Variants in FUT9 observed in about 807,000 individuals in gnomAD.
FUT9 encodes the protein fucosyltransferase 9.
In FUT9, 15 loss-of-function variants were observed where a neutral mutation model predicts 29.7. The observed-to-expected ratio is 0.51, with a 90% CI of 0.34 to 0.78. The LOEUF (loss-of-function observed/expected upper bound fraction) is 0.78. FUT9 is among the 30% of genes least tolerant of loss of function. The probability of loss-of-function intolerance (pLI) is 0.01; values close to 1 mark genes in which losing one functional copy is unlikely to be tolerated. For synonymous variants in FUT9, 169 were observed against 153.7 expected (o/e 1.10, Z -0.74); for missense variants, 319 against 425.4 (o/e 0.75, Z 2.20).
intron 1 of FUT9, among the ~76,000 whole-genome samples, chr6:96,111,883 G>T (rs1027795606): frequency 6.6e-6 from 1 of 152,026 alleles, no homozygotes; most frequent in Non-Finnish European, 1.5e-5. Context: ...TGATTATTTT[G>T]ATCTTTTATG....
At chr6:96,165,730 C>T (rs968507842) in intron 2 of FUT9, among the ~76,000 whole-genome samples, 1 of 152,038 alleles carries the variant, frequency 6.6e-6, no homozygotes, top group African/African-American at 2.4e-5. Context: ...ATTCTTGTGC[C>T]TCAGCCTCCG....
chr6:96,203,988 A>C lies in FUT9; in HGVS notation c.833A>C (p.Glu278Ala), dbSNP rs1321071580. 6.2e-7 allele frequency: 1 copy of C among 1,612,596 alleles called. No homozygotes were observed. Among genetic ancestry groups the C allele is most frequent in the Admixed American group, 1.7e-5 (1 of 59,588 alleles). Residue 278 changes from glutamate to alanine, a missense_variant, in exon 3 of 3, where the codon GAG (glutamate) becomes GCG (alanine). Transcript: ENST00000302103. ...CTGGGACCATCTAGGGAAAACTATG[A>C]GAATTATATTCCAGCAGATTCATTC... is the stretch of plus-strand genomic sequence containing the variant. ...VVLGPSRENY[E>A]NYIPADSFIH...
Position 96,153,215 on chromosome 6 carries a change from T to G in FUT9, c.-9+39088T>G, listed in dbSNP as rs147187609. Among the ~76,000 whole-genome samples, 379 of 152,262 alleles carry G rather than the reference T, an allele frequency of 2.5e-3. 1 individual carries two copies. Among genetic ancestry groups the G allele is most frequent in the African/African-American group, 8.8e-3 (367 of 41,560 alleles). On this transcript the variant is annotated intron_variant, in intron 2 of 2. Transcript: ENST00000302103. ...TCCAAATTTGGTAAAGAAATACATA[T>G]AAACAACTTTTGAAGAGCATCAGAA...
chr6:96,037,714 A>C (rs923928065), intron 1 of FUT9, among the ~76,000 whole-genome samples: 1 of 152,116 alleles, frequency 6.6e-6, no homozygotes, highest in Non-Finnish European at 1.5e-5. Flanking sequence ...AAAGAAAAAA[A>C]GACCCTTTTT....
chr6:96,134,185 A>C (rs1772303789), intron 2 of FUT9, among the ~76,000 whole-genome samples: 1 of 151,886 alleles, frequency 6.6e-6, no homozygotes, highest in South Asian at 2.1e-4. Flanking sequence ...GTAATAGCCA[A>C]AGATAAATAG....
At chr6:96,027,821 A>G (rs1770193045) in intron 1 of FUT9, among the ~76,000 whole-genome samples, 1 of 151,570 alleles carries the variant, frequency 6.6e-6, no homozygotes, top group African/African-American at 2.4e-5. Flanking sequence ...CTTTTTTTCC[A>G]GAGCCATTTT....
intron 2 of FUT9, among the ~76,000 whole-genome samples, chr6:96,175,035 T>C (rs1296381574): frequency 6.6e-6 from 1 of 152,144 alleles, no homozygotes; most frequent in Non-Finnish European, 1.5e-5. Context: ...AGTGTTGCTA[T>C]TCCGATCACG....
intron 1 of FUT9, among the ~76,000 whole-genome samples, chr6:96,043,925 A>G (rs945913764): frequency 7.2e-5 from 11 of 152,330 alleles, no homozygotes; most frequent in African/African-American, 2.6e-4. Flanking sequence ...TTCAGGTTTC[A>G]GCCACCTTGA....
chr6:96,069,461 TA>T (rs1771017366), intron 1 of FUT9, among the ~76,000 whole-genome samples: 1 of 152,082 alleles, frequency 6.6e-6, no homozygotes, highest in Admixed American at 6.6e-5. Flanking sequence ...ACAAGATTTT[TA>T]AAAATATAGT....
At chr6:96,136,564 G>A (rs1002094958) in intron 2 of FUT9, among the ~76,000 whole-genome samples, 21 of 151,986 alleles carry the variant, frequency 1.4e-4, no homozygotes, top group African/African-American at 4.8e-4. Flanking sequence ...ACATTTTAAT[G>A]TACCTAACAT....
chr6:96,168,847 G>A (rs1773059768), intron 2 of FUT9, among the ~76,000 whole-genome samples: 2 of 152,046 alleles, frequency 1.3e-5, no homozygotes. Context: ...AACAGAAGGG[G>A]GCTCAATATT....
At chr6:96,185,764 T>A (rs1202208720) in intron 2 of FUT9, among the ~76,000 whole-genome samples, 1 of 152,098 alleles carries the variant, frequency 6.6e-6, no homozygotes, top group African/African-American at 2.4e-5. Context: ...TGGCCTCCAT[T>A]TTTTCTATTG....
intron 2 of FUT9, among the ~76,000 whole-genome samples, chr6:96,137,373 A>G (rs1384864230): frequency 6.6e-6 from 1 of 152,108 alleles, no homozygotes; most frequent in Non-Finnish European, 1.5e-5. Flanking sequence ...TAAATACATA[A>G]ATGAGGGAGA....
At chr6:96,144,112 G>T (rs1302633753) in intron 2 of FUT9, among the ~76,000 whole-genome samples, 1 of 152,088 alleles carries the variant, frequency 6.6e-6, no homozygotes, top group Non-Finnish European at 1.5e-5. Context: ...CGACATGGAG[G>T]CTTCAGCTGC....
chr6:96,140,075 A>AT (rs1182141019), intron 2 of FUT9, among the ~76,000 whole-genome samples: 2 of 152,122 alleles, frequency 1.3e-5, no homozygotes. Flanking sequence ...CCACCTAGAA[A>AT]TTTCTTCCTC....
At chr6:96,169,549 T>A (rs1773074422) in intron 2 of FUT9, among the ~76,000 whole-genome samples, 1 of 152,196 alleles carries the variant, frequency 6.6e-6, no homozygotes, top group South Asian at 2.1e-4. Flanking sequence ...GGGGGAGGTC[T>A]CGACTGAAGA....
At chr6:96,177,375 G>C (rs1294061579) in intron 2 of FUT9, among the ~76,000 whole-genome samples, 1 of 151,944 alleles carries the variant, frequency 6.6e-6, no homozygotes, top group Non-Finnish European at 1.5e-5. Flanking sequence ...GGAAAATAAT[G>C]TAGTTACATG....
At chr6:96,055,794 C>T (rs1770755440) in intron 1 of FUT9, among the ~76,000 whole-genome samples, 3 of 150,936 alleles carry the variant, frequency 2.0e-5, no homozygotes, top group Admixed American at 1.3e-4. Flanking sequence ...ATCTGCCTGC[C>T]TTGGCCTCCC....
intron 2 of FUT9, among the ~76,000 whole-genome samples, chr6:96,171,355 C>T (rs561049464): frequency 5.3e-5 from 8 of 152,272 alleles, no homozygotes; most frequent in Non-Finnish European, 1.0e-4. Context: ...TCACTCAAGG[C>T]AGTAAGCAGT....
Sources: allele counts gnomAD v4.1 joint callset (sites outside exome capture counted in the v4.1 genomes callset), GRCh38; gene constraint gnomAD v4.1.1; transcripts MANE v1.5; gene names NCBI Gene and HGNC (gene_info 2026-07-23, HGNC 2026-07-21).